Variants in KIF6 observed in about 807,000 individuals in gnomAD.
KIF6 encodes the protein kinesin family member 6, also known as kinesin-like protein KIF6.
KIF6 carries 106 observed loss-of-function variants against 112.7 expected under a neutral mutation model. That is an observed-to-expected ratio of 0.94 (90% CI 0.80 to 1.11). KIF6 has a LOEUF of 1.11. Ranked by LOEUF, KIF6 falls within the 50% of genes least tolerant of loss-of-function variation. The pLI, the probability that KIF6 is intolerant of heterozygous loss-of-function variation, is 0.00. For synonymous variants in KIF6, 339 were observed against 339.9 expected, an observed-to-expected ratio of 1.00 and a Z score of 0.03; for missense variants, 929 against 964.0, an observed-to-expected ratio of 0.96 and a Z score of 0.48.
intron 7 of KIF6, among the ~76,000 whole-genome samples, chr6:39,595,698 A>G (rs1039171018): frequency 6.6e-5 from 10 of 152,224 alleles, no homozygotes; most frequent in Admixed American, 5.2e-4. Context: ...GAAATAAACC[A>G]GACACAAAAG....
chr6:39,582,113 T>G (rs1429737673), intron 9 of KIF6, among the ~76,000 whole-genome samples: 1 of 152,218 alleles, frequency 6.6e-6, no homozygotes, highest in Non-Finnish European at 1.5e-5. Flanking sequence ...CCCTTCTCTA[T>G]TAAACTAATA....
Position 39,522,185 on chromosome 6 carries a change from A to G in KIF6, c.1645+17818T>C, listed in dbSNP as rs553099167. Among the ~76,000 whole-genome samples the G allele has an allele frequency of 4.6e-5, 7 of 152,266 alleles. No individual in the cohort carries two copies. The East Asian group carries it at 5.8e-4, about 13-fold the overall frequency. Reference sequence around the variant, plus strand: ...AGGGGAGGATGTTTATTCTCCCACAATGTAAATATCAGAGGGGCCAGAGAC... The same window carrying G: ...AGGGGAGGATGTTTATTCTCCCACAGTGTAAATATCAGAGGGGCCAGAGAC... On this transcript the variant is annotated intron_variant, in intron 13 of 22. Transcript: ENST00000287152.
chr6:39,690,587 G>C (rs1460947458), intron 3 of KIF6: 1 of 152,824 alleles, frequency 6.5e-6, no homozygotes, highest in Non-Finnish European at 1.5e-5. Flanking sequence ...GAGGGAGAAG[G>C]GGAAGGGGAA....
chr6:39,525,842 TAAATAAAG>T (rs1384756461), intron 13 of KIF6, among the ~76,000 whole-genome samples: 1 of 143,542 alleles, frequency 7.0e-6, no homozygotes, highest in Non-Finnish European at 1.6e-5. Flanking sequence ...AATAAATAAA[TAAATAAAG>T]CCTTTTTCCC....
rs1763778584 is a variant in KIF6 at position 39,346,136 on chromosome 6, T to TCC, written c.2231+339_2231+340insGG. The stretch of plus-strand genomic sequence containing the variant: ...CTCTCCCTCTCCCTCCCTCTCCCTC[T>TCC]CTCTCTCTCTCTCTCTCTCTCTCTC... On this transcript the variant is annotated intron_variant, in intron 20 of 22. Transcript: ENST00000287152. Among the ~76,000 whole-genome samples, 13 of 94,570 alleles carry TCC rather than the reference T, an allele frequency of 1.4e-4. 1 individual carries two copies. The South Asian group carries it at 3.3e-3, about 24-fold the overall frequency. 62.0% of individuals were successfully genotyped at this position (94,570 alleles called of 152,430 possible).
At chr6:39,640,447 T>G (rs1307999868) in intron 3 of KIF6, among the ~76,000 whole-genome samples, 10 of 152,146 alleles carry the variant, frequency 6.6e-5, no homozygotes. Context: ...AAACTGTGTC[T>G]TTAATCTATG....
chr6:39,385,547 C>T (rs555651523), intron 16 of KIF6, 75 bp downstream of exon 16: 3 of 1,227,680 alleles, frequency 2.4e-6, no homozygotes, highest in Non-Finnish European at 3.6e-6. Flanking sequence ...TATCTTTTAG[C>T]TGGGTTTGGA....
chr6:39,337,155 T>TTTTCCTTCCTTTCTTTCTTTC lies in KIF6; in HGVS notation c.2429-608_2429-607insGAAAGAAAGAAAGGAAGGAAA, dbSNP rs1554195029. On this transcript the variant is annotated intron_variant, in intron 22 of 22. Coordinates refer to ENST00000287152, the MANE Select transcript of KIF6 (RefSeq NM_145027.6). ...TCCTTCCTTCCTTCCTTTCTCTTTC[T>TTTTCCTTCCTTTCTTTCTTTC]TTTCTTTCTTTCCTTCCTTCTTTCT... Among the ~76,000 whole-genome samples, 5 of 53,674 alleles carry TTTTCCTTCCTTTCTTTCTTTC rather than the reference T, an allele frequency of 9.3e-5. 2 individuals carry two copies. The East Asian group carries it at 1.4e-3, about 15-fold the overall frequency. 35.2% of individuals were successfully genotyped at this position (53,674 alleles called of 152,430 possible). A position where few individuals can be genotyped will look rare whatever the true frequency, so the allele number is the denominator to read the frequency against.
chr6:39,702,689 A>G (rs1392454561), intron 3 of KIF6, among the ~76,000 whole-genome samples: 1 of 152,224 alleles, frequency 6.6e-6, no homozygotes, highest in Admixed American at 6.5e-5. Flanking sequence ...GGCATGAGCC[A>G]CCAAGGCAGT....
At chr6:39,392,106 A>C (rs1767944283) in intron 15 of KIF6, among the ~76,000 whole-genome samples, 1 of 152,022 alleles carries the variant, frequency 6.6e-6, no homozygotes, top group Non-Finnish European at 1.5e-5. Context: ...ATTTGTATTA[A>C]AGTTTTCTGT....
intron 15 of KIF6, among the ~76,000 whole-genome samples, chr6:39,392,955 A>G (rs1767998984): frequency 6.6e-6 from 1 of 152,182 alleles, no homozygotes; most frequent in African/African-American, 2.4e-5. Context: ...GAGCAGGATA[A>G]ATAAAAATAA....
chr6:39,414,290 C>T (rs931749284), intron 15 of KIF6, among the ~76,000 whole-genome samples: 4 of 152,148 alleles, frequency 2.6e-5, no homozygotes, highest in Admixed American at 6.5e-5. Context: ...ACCACATCTA[C>T]GTTTATGCTT....
intron 13 of KIF6, among the ~76,000 whole-genome samples, chr6:39,490,149 T>C (rs755054563): frequency 3.3e-5 from 5 of 152,182 alleles, no homozygotes; most frequent in Non-Finnish European, 7.4e-5. Flanking sequence ...AGACAATGCA[T>C]TATTTTCTCC....
chr6:39,346,361 A>C lies in KIF6; in HGVS notation c.2231+115T>G, dbSNP rs1048303536. 14 of 708,458 alleles carry C rather than the reference A, an allele frequency of 2.0e-5. No homozygotes were observed. In the African/African-American group the frequency reaches 2.5e-4, roughly 12 times the overall value. The allele number at this position is 708,458 out of a possible 1,614,324, so 43.9% of individuals were successfully genotyped here. ...ATTAAGTCATGAAGGTAGAACTCTC[A>C]TGAATGGGATTAGAGTCCTTATAAA... On this transcript the variant is annotated intron_variant, in intron 20 of 22. Coordinates refer to ENST00000287152, the MANE Select transcript of KIF6 (RefSeq NM_145027.6).
intron 13 of KIF6, among the ~76,000 whole-genome samples, chr6:39,453,193 G>A (rs917180107): frequency 6.6e-6 from 1 of 152,152 alleles, no homozygotes; most frequent in African/African-American, 2.4e-5. Flanking sequence ...TTTGGCTGAG[G>A]AAACATTTGA....
At chr6:39,495,382 G>T (rs911988052) in intron 13 of KIF6, among the ~76,000 whole-genome samples, 13 of 152,184 alleles carry the variant, frequency 8.5e-5, no homozygotes, top group African/African-American at 2.4e-5. Context: ...GCAGGATTGG[G>T]CTCAGTGGGA....
chr6:39,684,507 C>T (rs571198231), intron 3 of KIF6, among the ~76,000 whole-genome samples: 25 of 151,744 alleles, frequency 1.6e-4, no homozygotes, highest in African/African-American at 4.1e-4. Flanking sequence ...CCCAGCCACT[C>T]GGGAGGCTGA....
intron 14 of KIF6, among the ~76,000 whole-genome samples, chr6:39,426,347 T>C (rs1770762314): frequency 6.6e-6 from 1 of 152,194 alleles, no homozygotes; most frequent in African/African-American, 2.4e-5. Context: ...TCTTGTCACA[T>C]ACAGGCAGCA....
chr6:39,560,829 T>C (rs1400237799), intron 10 of KIF6, among the ~76,000 whole-genome samples: 5 of 152,166 alleles, frequency 3.3e-5, no homozygotes, highest in African/African-American at 1.2e-4. Context: ...CTGCAGAAAA[T>C]AGCCTTTTTA....
Sources: allele counts gnomAD v4.1 joint callset (sites outside exome capture counted in the v4.1 genomes callset), GRCh38; gene constraint gnomAD v4.1.1; transcripts MANE v1.5; gene names NCBI Gene and HGNC (gene_info 2026-07-23, HGNC 2026-07-21).